The following SUSD5 variants were observed in gnomAD, a reference collection of about 807,000 sequenced individuals.
SUSD5 encodes the protein sushi domain-containing protein 5.
SUSD5 carries 33 observed loss-of-function variants against 29.5 expected under a neutral mutation model. The observed-to-expected ratio is 1.12, with a 90% CI of 0.85 to 1.49. The LOEUF is 1.49. Ranked by LOEUF, SUSD5 falls within the 40% of genes most tolerant of loss-of-function variation. The pLI, the probability that SUSD5 is intolerant of heterozygous loss-of-function variation, is 0.00. For missense variants in SUSD5, 776 were observed against 800.6 expected (o/e 0.97, Z 0.37); for synonymous variants, 308 against 325.3 (o/e 0.95, Z 0.57).
chr3:33,175,612 AATAC>A (rs1354711698), intron 3 of SUSD5, among the ~76,000 whole-genome samples: 8 of 152,022 alleles, frequency 5.3e-5, no homozygotes, highest in East Asian at 1.9e-4. Flanking sequence ...CATATATACA[AATAC>A]ATACATATTT....
At chr3:33,168,241 C>G (rs565212560) in intron 4 of SUSD5, among the ~76,000 whole-genome samples, 1 of 152,202 alleles carries the variant, frequency 6.6e-6, no homozygotes, top group South Asian at 2.1e-4. Flanking sequence ...CACACGTACC[C>G]TCTTTTTTTT....
chr3:33,174,539 C>T (rs555412905), intron 4 of SUSD5, among the ~76,000 whole-genome samples: 1 of 152,172 alleles, frequency 6.6e-6, no homozygotes, highest in Non-Finnish European at 1.5e-5. Context: ...TCACCAGAAG[C>T]AATGCTGCTT....
At chr3:33,161,664 A>G (rs905773979) in intron 4 of SUSD5, among the ~76,000 whole-genome samples, 3 of 152,306 alleles carry the variant, frequency 2.0e-5, no homozygotes, top group African/African-American at 2.4e-5. Flanking sequence ...AGTTGAAAGT[A>G]AAAGAATTAA....
At chr3:33,157,468 G>T (rs546090777) in intron 4 of SUSD5, among the ~76,000 whole-genome samples, 17 of 152,276 alleles carry the variant, frequency 1.1e-4, no homozygotes, top group African/African-American at 3.9e-4. Flanking sequence ...AAGTCATGAC[G>T]TATATCTTTG....
At chr3:33,199,261 C>A (rs867199395) in intron 3 of SUSD5, among the ~76,000 whole-genome samples, 14 of 151,578 alleles carry the variant, frequency 9.2e-5, no homozygotes, top group African/African-American at 2.7e-4. Flanking sequence ...TACACATATA[C>A]ACAAAAATAA....
chr3:33,161,517 C>T (rs2031187748), intron 4 of SUSD5, among the ~76,000 whole-genome samples: 1 of 151,958 alleles, frequency 6.6e-6, no homozygotes, highest in Non-Finnish European at 1.5e-5. Context: ...AATTTTAAAA[C>T]CAAATCTACC....
chr3:33,183,961 G>A, intron 3 of SUSD5, among the ~76,000 whole-genome samples: 1 of 55,254 alleles, frequency 1.8e-5, no homozygotes, highest in South Asian at 5.9e-4. Context: ...TTTTTGAGAT[G>A]GAGTCTCGCT....
chr3:33,167,766 A>AT lies in SUSD5; in HGVS notation c.598+7119dup, dbSNP rs762465907. ...TCACCAGATTTCAACCAACAAGCAC[A>AT]TTCTGCCCACAAGATGGAGAAGCCC... is the stretch of plus-strand genomic sequence containing the variant. On this transcript the variant is annotated intron_variant, in intron 4 of 4. Transcript: ENST00000309558. The surrounding 1 kb of genome is among the most constrained non-coding windows in gnomAD (Gnocchi z 4.1). Among the ~76,000 whole-genome samples the AT allele has an allele frequency of 6.6e-5, 10 of 152,224 alleles. No individual in the cohort carries two copies. The highest frequency in any genetic ancestry group is 1.3e-4 in the Non-Finnish European group (9 of 68,044).
intron 2 of SUSD5, among the ~76,000 whole-genome samples, chr3:33,213,029 G>A (rs916409187): frequency 6.6e-6 from 1 of 152,156 alleles, no homozygotes; most frequent in Non-Finnish European, 1.5e-5. Flanking sequence ...AGGTGGAGAA[G>A]AAGAGAGAAA....
In SUSD5 at chr3:33,167,440, G is replaced by A. The variant is rs191528729; in HGVS notation, c.598+7446C>T. 1.3e-5 allele frequency among the ~76,000 whole-genome samples: 2 copies of A among 151,972 alleles called. No homozygotes were observed. The highest frequency in any genetic ancestry group is 4.8e-5 in the African/African-American group (2 of 41,460). On this transcript the variant is annotated intron_variant, in intron 4 of 4. Coordinates refer to ENST00000309558, the MANE Select transcript of SUSD5 (RefSeq NM_015551.2). This position sits in a 1 kb window ranked among gnomAD's most constrained non-coding sequence, Gnocchi z 4.1. ...GTGTGTGTGTGTCTGTGTATGCATG[G>A]ATGTGCATGTGATTGTGTGTGTATG... is the stretch of plus-strand genomic sequence containing the variant.
chr3:33,195,791 C>T (rs2031984799), intron 3 of SUSD5, among the ~76,000 whole-genome samples: 1 of 149,522 alleles, frequency 6.7e-6, no homozygotes, highest in African/African-American at 2.5e-5. Context: ...TCATATAATC[C>T]CAATTTAGTA....
At chr3:33,196,601 C>G (rs908381971) in intron 3 of SUSD5, among the ~76,000 whole-genome samples, 3 of 152,212 alleles carry the variant, frequency 2.0e-5, no homozygotes, top group African/African-American at 7.2e-5. Flanking sequence ...TGTAACTACT[C>G]TACCATTCTC....
chr3:33,153,932 C>T lies in SUSD5; in HGVS notation c.700G>A (p.Asp234Asn). ...MEDSRTEADE[D>N]RGQGDSSEEA... Reference sequence around the variant, plus strand: ...TCAGAGGAGTCTCCCTGACCCCTGTCCTCATCTGCCTCTGTCCGGGAATCC... The same window carrying T: ...TCAGAGGAGTCTCCCTGACCCCTGTTCTCATCTGCCTCTGTCCGGGAATCC... The change falls in exon 5 of 5, where the codon GAC becomes AAC. Residue 234 changes from aspartate to asparagine, a missense_variant. Coordinates refer to ENST00000309558, the MANE Select transcript of SUSD5 (RefSeq NM_015551.2). The T allele has an allele frequency of 6.2e-7, 1 of 1,613,996 alleles. No individual in the cohort carries two copies. The highest frequency in any genetic ancestry group is 1.6e-4 in the Middle Eastern group (1 of 6,062).
At chr3:33,213,261 C>A (rs11717810) in intron 2 of SUSD5, among the ~76,000 whole-genome samples, 1 of 151,740 alleles carries the variant, frequency 6.6e-6, no homozygotes, top group South Asian at 2.1e-4. Context: ...AAAAAATTAG[C>A]CAGGTGTTGT....
intron 4 of SUSD5, among the ~76,000 whole-genome samples, chr3:33,157,981 G>T (rs1439271909): frequency 4.0e-5 from 6 of 148,846 alleles, no homozygotes; most frequent in African/African-American, 1.5e-4. Flanking sequence ...GCAATGAGCT[G>T]CTTGGGGAGC....
At chr3:33,215,990 A>T (rs1575548037) in intron 1 of SUSD5, among the ~76,000 whole-genome samples, 1 of 152,224 alleles carries the variant, frequency 6.6e-6, no homozygotes, top group East Asian at 1.9e-4. Flanking sequence ...GAAATAATAC[A>T]GATAGAGCAG....
chr3:33,195,112 T>C (rs2031970939), intron 3 of SUSD5, among the ~76,000 whole-genome samples: 1 of 152,142 alleles, frequency 6.6e-6, no homozygotes, highest in Non-Finnish European at 1.5e-5. Flanking sequence ...GGAGAATCGC[T>C]TGAACCCAGG....
intron 2 of SUSD5, among the ~76,000 whole-genome samples, chr3:33,209,425 T>C (rs1374701036): frequency 1.3e-5 from 2 of 152,148 alleles, no homozygotes; most frequent in African/African-American, 4.8e-5. Flanking sequence ...ATCTTCTTTG[T>C]CTTTTACCCT....
chr3:33,182,088 C>T (rs1358098558), intron 3 of SUSD5, among the ~76,000 whole-genome samples: 2 of 151,970 alleles, frequency 1.3e-5, no homozygotes, highest in African/African-American at 2.4e-5. Context: ...TATAAGTTTG[C>T]CTCTAAGCAC....
Sources: gnomAD v4.1 joint callset for allele counts (sites outside exome capture counted in the v4.1 genomes callset) on GRCh38, gnomAD v4.1.1 for gene constraint, Gnocchi (gnomAD v3.1) non-coding constraint, MANE v1.5 for transcripts, NCBI Gene and HGNC (gene_info 2026-07-23, HGNC 2026-07-21) for gene names.